LMBR1: variants seen among roughly 807,000 people sequenced by gnomAD.
LMBR1 encodes the protein limb region 1 protein homolog.
A neutral mutation model predicts 73.9 loss-of-function variants in LMBR1; 52 were observed. The observed-to-expected ratio is 0.70, with a 90% CI of 0.56 to 0.89. The LOEUF is 0.89. Among genes scored for constraint, LMBR1 ranks in the 40% least tolerant of loss-of-function variants. The pLI is 0.00. For missense variants in LMBR1, 539 were observed against 579.8 expected, an observed-to-expected ratio of 0.93 and a Z score of 0.72; for synonymous variants, 215 against 209.4, an observed-to-expected ratio of 1.03 and a Z score of -0.23.
intron 15 of LMBR1, among the ~76,000 whole-genome samples, chr7:156,718,001 A>AT (rs1293703550): frequency 6.6e-5 from 10 of 152,194 alleles, no homozygotes; most frequent in African/African-American, 2.4e-4. Context: ...AGGACTATTT[A>AT]TTTATGCATT....
chr7:156,779,668 A>G, intron 5 of LMBR1: 1 of 1,282,932 alleles, frequency 7.8e-7, no homozygotes, highest in South Asian at 1.2e-5. Flanking sequence ...AGCTCTATGG[A>G]GAAGCTGTCA....
chr7:156,697,563 G>A (rs1428103312), intron 15 of LMBR1, among the ~76,000 whole-genome samples: 2 of 152,030 alleles, frequency 1.3e-5, no homozygotes, highest in African/African-American at 2.4e-5. Flanking sequence ...CTTTTCCCAA[G>A]GTATTAATAT....
chr7:156,696,974 C>A (rs1174314038), intron 15 of LMBR1, among the ~76,000 whole-genome samples: 1 of 152,170 alleles, frequency 6.6e-6, no homozygotes, highest in African/African-American at 2.4e-5. Flanking sequence ...TTCCTAGATA[C>A]AACGGGGATA....
intron 1 of LMBR1, 42 bp from the exon 2 acceptor site, chr7:156,836,927 T>C (rs1837735744): frequency 7.8e-7 from 1 of 1,276,268 alleles, no homozygotes; most frequent in Non-Finnish European, 1.1e-6. Flanking sequence ...CTTTTTTGCA[T>C]ATCTTTTTTA....
chr7:156,878,803 T>C (rs1264928477), intron 1 of LMBR1, among the ~76,000 whole-genome samples: 1 of 152,140 alleles, frequency 6.6e-6, no homozygotes, highest in Non-Finnish European at 1.5e-5. Context: ...GATTTCAAAC[T>C]ATACTATAAG....
chr7:156,672,865 T>C (rs554036714), downstream of LMBR1, among the ~76,000 whole-genome samples: 7 of 152,338 alleles, frequency 4.6e-5, no homozygotes, highest in South Asian at 2.1e-4. Context: ...TTAAATAACT[T>C]TGCATATTTA....
At chr7:156,892,866 G>GCGGGGA (rs1803414731) in intron 1 of LMBR1, 62 bp downstream of exon 1, 2 of 1,289,770 alleles carry the variant, frequency 1.6e-6, no homozygotes, top group Admixed American at 6.6e-5. Context: ...GGGCCCGGGG[G>GCGGGGA]CGGGGACGGA....
rs1408218846 is a variant in LMBR1, at chr7:156,685,824, G to A, written c.1388-1661C>T. The stretch of plus-strand genomic sequence containing the variant: ...TTCTGGCATCTCAACAACTTACTTG[G>A]AAAAGATTTTTCTCCCTAAAATTTC... On this transcript the variant is annotated intron_variant, in intron 16 of 16. Coordinates refer to ENST00000353442, the MANE Select transcript of LMBR1 (RefSeq NM_022458.4). This position sits in a 1 kb window ranked among gnomAD's most constrained non-coding sequence, Gnocchi z 4.1. Among the ~76,000 whole-genome samples, 1 of 152,188 alleles carries A rather than the reference G, an allele frequency of 6.6e-6. No individual in the cohort carries two copies. The highest frequency in any genetic ancestry group is 1.5e-5 in the Non-Finnish European group (1 of 68,046).
chr7:156,817,848 T>C (rs564887969), intron 4 of LMBR1, among the ~76,000 whole-genome samples: 24 of 152,252 alleles, frequency 1.6e-4, no homozygotes, highest in African/African-American at 5.8e-4. Flanking sequence ...ATCGTAAATA[T>C]GGGCTTTTTT....
At chr7:156,748,818 C>A (rs1364320895) in intron 9 of LMBR1, among the ~76,000 whole-genome samples, 4 of 152,030 alleles carry the variant, frequency 2.6e-5, no homozygotes, top group South Asian at 2.1e-4. Context: ...GAATAACTCT[C>A]TCTATATATA....
At chr7:156,698,387 G>A (rs1460691933) in intron 15 of LMBR1, among the ~76,000 whole-genome samples, 1 of 152,220 alleles carries the variant, frequency 6.6e-6, no homozygotes, top group Non-Finnish European at 1.5e-5. Flanking sequence ...GACTCCGTGT[G>A]GGGGCTCTGA....
chr7:156,762,643 T>A (rs1445080626), intron 7 of LMBR1, among the ~76,000 whole-genome samples: 1 of 152,236 alleles, frequency 6.6e-6, no homozygotes, highest in African/African-American at 2.4e-5. Context: ...TAGGCTGTGA[T>A]GCTTCAAGTA....
chr7:156,779,851 A>C, intron 5 of LMBR1: 1 of 357,134 alleles, frequency 2.8e-6, no homozygotes, highest in Non-Finnish European at 5.6e-6. Flanking sequence ...TTCACTTAAC[A>C]AAAAGGGTCT....
At chr7:156,703,605 C>G (rs999560594) in intron 15 of LMBR1, among the ~76,000 whole-genome samples, 8 of 152,216 alleles carry the variant, frequency 5.3e-5, no homozygotes, top group Non-Finnish European at 1.0e-4. Context: ...CTTGGGCTGT[C>G]AATGTCAATC....
chr7:156,857,382 C>A (rs894195479), intron 1 of LMBR1, among the ~76,000 whole-genome samples: 2 of 151,996 alleles, frequency 1.3e-5, no homozygotes, highest in Non-Finnish European at 2.9e-5. Context: ...ATTATCAGGA[C>A]AAAGAACAGC....
At chr7:156,718,432 A>AG (rs1347616956) in intron 15 of LMBR1, among the ~76,000 whole-genome samples, 6 of 148,426 alleles carry the variant, frequency 4.0e-5, no homozygotes, top group African/African-American at 1.5e-4. Context: ...AAAAAAAAAA[A>AG]TACTCAGCAA....
intron 1 of LMBR1, among the ~76,000 whole-genome samples, chr7:156,873,642 A>G (rs1799686600): frequency 6.6e-6 from 1 of 152,166 alleles, no homozygotes; most frequent in South Asian, 2.1e-4. Context: ...TTAGTTAGAT[A>G]CAGAGTTTCC....
intron 8 of LMBR1, among the ~76,000 whole-genome samples, chr7:156,759,192 G>T (rs1017222018): frequency 3.3e-5 from 5 of 152,246 alleles, no homozygotes; most frequent in Non-Finnish European, 5.9e-5. Flanking sequence ...GGAGACAAAA[G>T]TTTCGACCAG....
chr7:156,893,040 C>A lies in LMBR1; in HGVS notation c.-47G>T. 1 of 1,424,828 alleles carries A rather than the reference C, an allele frequency of 7.0e-7. No homozygotes were observed. The highest frequency in any genetic ancestry group is 9.2e-7 in the Non-Finnish European group (1 of 1,090,948). 88.3% of individuals were successfully genotyped at this position (1,424,828 alleles called of 1,614,324 possible). A position where few individuals can be genotyped will look rare whatever the true frequency, so the allele number is the denominator to read the frequency against. On this transcript the variant is annotated 5_prime_UTR_variant, in exon 1 of 17. Transcript: ENST00000353442. Reference sequence around the variant, plus strand: ...CGCCGCCCGCGTCCGCGTGCTCCGCCACACCATCGTCCGCCCGCCGCAGGG... The same window carrying A: ...CGCCGCCCGCGTCCGCGTGCTCCGCAACACCATCGTCCGCCCGCCGCAGGG...
Sources: allele counts gnomAD v4.1 joint callset (sites outside exome capture counted in the v4.1 genomes callset), GRCh38; gene constraint gnomAD v4.1.1; non-coding constraint Gnocchi (gnomAD v3.1); transcripts MANE v1.5; gene names NCBI Gene and HGNC (gene_info 2026-07-23, HGNC 2026-07-21).